Variants in TECPR2 observed in about 807,000 individuals in gnomAD.
TECPR2 encodes tectonin beta-propeller repeat-containing protein 2.
TECPR2 carries 65 observed loss-of-function variants against 138.1 expected under a neutral mutation model. The ratio of observed to expected loss-of-function variants is 0.47; its 90% CI spans 0.39 to 0.58. The LOEUF (loss-of-function observed/expected upper bound fraction) is 0.58. TECPR2 is among the 20% of genes least tolerant of loss of function. TECPR2 has a pLI of 0.00. For synonymous variants in TECPR2, 746 were observed against 749.8 expected (o/e 0.99, Z 0.08); for missense variants, 1,553 against 1,824.5 (o/e 0.85, Z 2.71).
chr14:102,401,827 A>G (rs967309854), intron 2 of TECPR2, among the ~76,000 whole-genome samples: 1 of 149,668 alleles, frequency 6.7e-6, no homozygotes, highest in East Asian at 2.0e-4. Flanking sequence ...AAAAAAAAAA[A>G]GAGAGACTCA....
intron 16 of TECPR2, among the ~76,000 whole-genome samples, chr14:102,458,250 G>A (rs917474768): frequency 2.0e-5 from 3 of 152,104 alleles, no homozygotes; most frequent in African/African-American, 7.2e-5. Flanking sequence ...CCATCTACCC[G>A]AGGATCTCCC....
intron 11 of TECPR2, among the ~76,000 whole-genome samples, chr14:102,442,387 C>T (rs1889859138): frequency 1.3e-5 from 2 of 152,240 alleles, no homozygotes; most frequent in African/African-American, 4.8e-5. Context: ...CCTGGGTGCA[C>T]AGCCATGCTG....
At chr14:102,371,241 G>A (rs1252963628) in intron 1 of TECPR2, among the ~76,000 whole-genome samples, 2 of 152,310 alleles carry the variant, frequency 1.3e-5, no homozygotes, top group East Asian at 1.9e-4. Flanking sequence ...ATGGAGTTGG[G>A]TGAACATTGG....
intron 2 of TECPR2, 145 bp from the exon 3 acceptor site, chr14:102,407,192 AT>A: frequency 9.2e-7 from 1 of 1,083,742 alleles, no homozygotes; most frequent in Non-Finnish European, 1.2e-6. Context: ...AACAGATGTA[AT>A]TTCTGACTTG....
chr14:102,418,432 G>A (rs1053675913), intron 5 of TECPR2, among the ~76,000 whole-genome samples: 48 of 152,238 alleles, frequency 3.2e-4, no homozygotes, highest in African/African-American at 1.2e-3. Context: ...TAGGATGACA[G>A]GGAAGGCTCC....
At chr14:102,431,158 G>A (rs1389258644) in intron 7 of TECPR2, among the ~76,000 whole-genome samples, 3 of 149,010 alleles carry the variant, frequency 2.0e-5, no homozygotes, top group Non-Finnish European at 4.4e-5. Flanking sequence ...CAAGTAGCTG[G>A]GACTATGGGC....
intron 1 of TECPR2, among the ~76,000 whole-genome samples, chr14:102,366,277 A>G (rs989192574): frequency 6.6e-6 from 1 of 152,188 alleles, no homozygotes; most frequent in African/African-American, 2.4e-5. Flanking sequence ...GAAGGATGCC[A>G]TAGGGTGGTG....
chr14:102,412,747 T>C (rs1180362274), intron 4 of TECPR2, among the ~76,000 whole-genome samples: 1 of 152,136 alleles, frequency 6.6e-6, no homozygotes, highest in Non-Finnish European at 1.5e-5. Flanking sequence ...AGTGGTTTCC[T>C]TGAGAGAACC....
At chr14:102,428,203 G>A in intron 6 of TECPR2, 47 bp from the exon 7 acceptor site, 1 of 1,396,556 alleles carries the variant, frequency 7.2e-7, no homozygotes, top group Non-Finnish European at 9.3e-7. Flanking sequence ...TGTTACCGTT[G>A]TTTAGTTTTG....
At chr14:102,436,022 G>A (rs532757539) in intron 9 of TECPR2, among the ~76,000 whole-genome samples, 63 of 152,282 alleles carry the variant, frequency 4.1e-4, no homozygotes, top group African/African-American at 1.5e-3. Context: ...GCAGTGTGAC[G>A]CTTTGTCAGT....
intron 2 of TECPR2, among the ~76,000 whole-genome samples, chr14:102,404,439 G>A (rs1192355339): frequency 1.3e-5 from 2 of 152,122 alleles, no homozygotes; most frequent in African/African-American, 2.4e-5. Flanking sequence ...CAAAAATGCA[G>A]TCATTGAAAC....
intron 17 of TECPR2, among the ~76,000 whole-genome samples, chr14:102,486,525 G>C (rs1311294213): frequency 6.6e-6 from 1 of 152,206 alleles, no homozygotes; most frequent in Non-Finnish European, 1.5e-5. Context: ...TGTTCAACAA[G>C]TAACAGCAAA....
intron 5 of TECPR2, among the ~76,000 whole-genome samples, chr14:102,423,231 G>A (rs1422622496): frequency 1.3e-5 from 2 of 152,022 alleles, no homozygotes; most frequent in East Asian, 1.9e-4. Context: ...TCAGGAGTTC[G>A]AGACCAGCCT....
chr14:102,447,813 G>T (rs1276512025), intron 13 of TECPR2, among the ~76,000 whole-genome samples: 1 of 152,070 alleles, frequency 6.6e-6, no homozygotes, highest in Non-Finnish European at 1.5e-5. Flanking sequence ...GATTATAGGC[G>T]TGAACCACCG....
chr14:102,376,944 AG>A lies in TECPR2; in HGVS notation c.219+5del, dbSNP rs1887656635. 6.2e-7 allele frequency: 1 copy of A among 1,610,988 alleles called. No homozygotes were observed. The highest frequency in any genetic ancestry group is 8.5e-7 in the Non-Finnish European group (1 of 1,178,950). Reference sequence around the variant, plus strand: ...GATGAGGAAGTACAACTTTGAGGTGAGCCTTGCTTTGCTTTTCACCTGAGGG... The same window carrying A: ...GATGAGGAAGTACAACTTTGAGGTGACCTTGCTTTGCTTTTCACCTGAGGG... On this transcript the variant is annotated splice_donor_5th_base_variant and intron_variant, in intron 2 of 19. Transcript: ENST00000359520.
chr14:102,465,408 C>A, intron 17 of TECPR2, 119 bp downstream of exon 17: 1 of 1,461,048 alleles, frequency 6.8e-7, no homozygotes. Flanking sequence ...TGCGGGGAGC[C>A]ATGCCCCCAG....
intron 2 of TECPR2, among the ~76,000 whole-genome samples, chr14:102,389,871 GAA>G (rs1358612389): frequency 6.6e-6 from 1 of 152,158 alleles, no homozygotes; most frequent in Non-Finnish European, 1.5e-5. Context: ...ATGGAGTTAA[GAA>G]AATTATTCCA....
At chr14:102,487,445 C>T (rs1325354557) in intron 17 of TECPR2, among the ~76,000 whole-genome samples, 2 of 152,186 alleles carry the variant, frequency 1.3e-5, no homozygotes, top group Non-Finnish European at 2.9e-5. Flanking sequence ...TGTGTGCGTG[C>T]GCACACGTGT....
chr14:102,457,545 G>A (rs1411856489), intron 16 of TECPR2, among the ~76,000 whole-genome samples: 1 of 152,148 alleles, frequency 6.6e-6, no homozygotes, highest in Admixed American at 6.6e-5. Flanking sequence ...AGCTGACATG[G>A]CTGCTGCCTG....
Sources: gnomAD v4.1 joint callset for allele counts (sites outside exome capture counted in the v4.1 genomes callset) on GRCh38, gnomAD v4.1.1 for gene constraint, MANE v1.5 for transcripts, NCBI Gene and HGNC (gene_info 2026-07-23, HGNC 2026-07-21) for gene names.